Variants in JMJD1C observed in about 807,000 individuals in gnomAD.
JMJD1C encodes the protein jumonji domain containing 1C, also known as jumonji domain-containing protein 1C.
Under a neutral mutation model 245.3 loss-of-function variants are expected in JMJD1C, and 31 were observed. The ratio of observed to expected loss-of-function variants is 0.13; its 90% CI spans 0.09 to 0.17. JMJD1C has a LOEUF of 0.17. Among genes scored for constraint, JMJD1C ranks in the 10% least tolerant of loss-of-function variants. The pLI is 1.00. For missense variants in JMJD1C, 2,691 were observed against 3,000.2 expected (o/e 0.90, Z 2.41); for synonymous variants, 1,057 against 1,017.4 (o/e 1.04, Z -0.74).
At chr10:63,510,546 T>C (rs947933986) in intron 1 of JMJD1C, among the ~76,000 whole-genome samples, 2 of 152,224 alleles carry the variant, frequency 1.3e-5, no homozygotes, top group African/African-American at 4.8e-5. Context: ...TATTTAATTT[T>C]ATTGTGCTTT....
rs141497534 is a variant in JMJD1C, at chr10:63,411,445, C to T, written c.169-30963G>A. On this transcript the variant is annotated intron_variant, in intron 1 of 25. Coordinates refer to ENST00000399262, the MANE Select transcript of JMJD1C (RefSeq NM_032776.3). ...TCCTGAATAGCTGGGATTACAGGTGCCCACCACCATGTCCGGCTAATTTTT... is the reference window on the plus strand; with the variant it reads ...TCCTGAATAGCTGGGATTACAGGTGTCCACCACCATGTCCGGCTAATTTTT... 5.0e-3 allele frequency among the ~76,000 whole-genome samples: 759 copies of T among 151,926 alleles called. 6 individuals are homozygous for T. The highest frequency in any genetic ancestry group is 0.017 in the African/African-American group (711 of 41,418).
intron 2 of JMJD1C, among the ~76,000 whole-genome samples, chr10:63,271,302 G>A (rs1404478986): frequency 1.3e-5 from 2 of 151,800 alleles, no homozygotes; most frequent in Non-Finnish European, 2.9e-5. Flanking sequence ...TCAGCCTCCA[G>A]AGTAGCTGGG....
intron 3 of JMJD1C, among the ~76,000 whole-genome samples, chr10:63,246,730 A>T (rs531377090): frequency 1.3e-5 from 2 of 152,318 alleles, no homozygotes; most frequent in Non-Finnish European, 2.9e-5. Context: ...AAAAGCGAAA[A>T]TCATACGGCA....
chr10:63,322,352 G>A (rs1330945207), intron 2 of JMJD1C, among the ~76,000 whole-genome samples: 2 of 152,116 alleles, frequency 1.3e-5, no homozygotes, highest in Non-Finnish European at 2.9e-5. Flanking sequence ...TAAACTCTTA[G>A]TTAAAAGGTA....
intron 3 of JMJD1C, among the ~76,000 whole-genome samples, chr10:63,249,067 G>A (rs949401812): frequency 6.6e-6 from 1 of 152,236 alleles, no homozygotes; most frequent in East Asian, 1.9e-4. Flanking sequence ...TGTAATCCCA[G>A]CACTTTGGGA....
rs552715972 is a variant in JMJD1C, at chr10:63,340,774, A to C, written c.333+39544T>G. On this transcript the variant is annotated intron_variant, in intron 2 of 25. Coordinates refer to ENST00000399262, the MANE Select transcript of JMJD1C (RefSeq NM_032776.3). Reference sequence around the variant, plus strand: ...AGCCTGGCCAACATGGTGAAGCTCCATCTCTACTAAAAATACAAAAATTGG... The same window carrying C: ...AGCCTGGCCAACATGGTGAAGCTCCCTCTCTACTAAAAATACAAAAATTGG... 2.4e-4 allele frequency among the ~76,000 whole-genome samples: 37 copies of C among 152,152 alleles called. 1 individual carries two copies. In the South Asian group the frequency reaches 7.5e-3, roughly 31 times the overall value.
At chr10:63,181,492 T>C (rs1289113754) in intron 22 of JMJD1C, among the ~76,000 whole-genome samples, 2 of 152,136 alleles carry the variant, frequency 1.3e-5, no homozygotes, top group Non-Finnish European at 2.9e-5. Flanking sequence ...ACATGGCAGA[T>C]GGAGAAAAAA....
chr10:63,438,015 A>G (rs762608934), intron 1 of JMJD1C, among the ~76,000 whole-genome samples: 2 of 152,206 alleles, frequency 1.3e-5, no homozygotes, highest in Non-Finnish European at 1.5e-5. Context: ...TCAGTCTGAT[A>G]GCTTTAAATG....
chr10:63,316,413 GTACTTCTC>G (rs1940069445), intron 2 of JMJD1C, among the ~76,000 whole-genome samples: 1 of 152,058 alleles, frequency 6.6e-6, no homozygotes, highest in South Asian at 2.1e-4. Context: ...TGTTTTGTGT[GTACTTCTC>G]TTGCTTGTAA....
chr10:63,322,903 T>C (rs906301808), intron 2 of JMJD1C, among the ~76,000 whole-genome samples: 18 of 150,880 alleles, frequency 1.2e-4, no homozygotes, highest in African/African-American at 3.9e-4. Flanking sequence ...ATTAATGTAA[T>C]TAATATATAT....
intron 1 of JMJD1C, among the ~76,000 whole-genome samples, chr10:63,457,529 A>T (rs561002500): frequency 6.6e-6 from 1 of 152,320 alleles, no homozygotes; most frequent in South Asian, 2.1e-4. Context: ...TTAAAACAAC[A>T]ACAACAAACA....
chr10:63,508,460 C>T (rs920366594), intron 1 of JMJD1C, among the ~76,000 whole-genome samples: 1 of 152,110 alleles, frequency 6.6e-6, no homozygotes, highest in African/African-American at 2.4e-5. Flanking sequence ...GTTGACTGTT[C>T]TGGATCTTCT....
chr10:63,261,564 G>GA (rs1050861234), intron 3 of JMJD1C, among the ~76,000 whole-genome samples: 2 of 149,732 alleles, frequency 1.3e-5, no homozygotes, highest in Non-Finnish European at 1.5e-5. Context: ...CTGAGCGACA[G>GA]AAAAAAAAAG....
chr10:63,420,992 A>T (rs1950094818), intron 1 of JMJD1C, among the ~76,000 whole-genome samples: 1 of 152,140 alleles, frequency 6.6e-6, no homozygotes, highest in Non-Finnish European at 1.5e-5. Flanking sequence ...TCCCAACAAG[A>T]CAAAAAAATG....
chr10:63,207,556 G>T lies in JMJD1C; in HGVS notation c.4113C>A (p.Asn1371Lys), dbSNP rs1247014343. 2.5e-6 allele frequency: 4 copies of T among 1,614,118 alleles called. No homozygotes were observed. The highest frequency in any genetic ancestry group is 1.7e-5 in the Admixed American group (1 of 60,006). The part of the protein sequence containing the change: ...SDSVHTKSEK[N>K]FQAVSQGSVP... ...CACTGCCCTGTGAGACAGCCTGAAAGTTTTTTTCAGATTTTGTGTGAACAC... is the reference window on the plus strand; with the variant it reads ...CACTGCCCTGTGAGACAGCCTGAAATTTTTTTTCAGATTTTGTGTGAACAC... The change falls in exon 10 of 26, where the codon AAC becomes AAA. Residue 1371 changes from asparagine to lysine, a missense_variant. Asn to Lys is a moderately conservative substitution (Grantham distance 94). This residue lies in a region of JMJD1C where 1,562 missense variants were observed against 1,490.7 expected (regional missense o/e 1.05). Transcript: ENST00000399262.
At chr10:63,347,540 C>A (rs1380549556) in intron 2 of JMJD1C, among the ~76,000 whole-genome samples, 1 of 147,966 alleles carries the variant, frequency 6.8e-6, no homozygotes, top group African/African-American at 2.5e-5. Context: ...GCCAAGACTG[C>A]GCCACTGCAC....
intron 2 of JMJD1C, among the ~76,000 whole-genome samples, chr10:63,339,724 A>G (rs1589523976): frequency 6.6e-6 from 1 of 152,186 alleles, no homozygotes; most frequent in Non-Finnish European, 1.5e-5. Flanking sequence ...TCAGGAGTTT[A>G]AGACCAGCCT....
chr10:63,313,213 C>A (rs1939474878), intron 2 of JMJD1C, among the ~76,000 whole-genome samples: 1 of 152,182 alleles, frequency 6.6e-6, no homozygotes, highest in Admixed American at 6.5e-5. Flanking sequence ...GTTTTTCATT[C>A]CTGAGTTACT....
At chr10:63,357,838 C>CAG (rs2134337258) in intron 2 of JMJD1C, among the ~76,000 whole-genome samples, 1 of 142,714 alleles carries the variant, frequency 7.0e-6, no homozygotes, top group East Asian at 2.0e-4. Flanking sequence ...CACACACACA[C>CAG]ACACACACAC....
Sources: gnomAD v4.1 joint callset for allele counts (sites outside exome capture counted in the v4.1 genomes callset) on GRCh38, gnomAD v4.1.1 for gene constraint, gnomAD v4.1.1 regional missense constraint, MANE v1.5 for transcripts, NCBI Gene and HGNC (gene_info 2026-07-23, HGNC 2026-07-21) for gene names.